The following SLC25A45 variants were observed in gnomAD, a reference collection of about 807,000 sequenced individuals.
SLC25A45 encodes methylated amino-acid transporter SLC25A45.
In SLC25A45, 22 loss-of-function variants were observed where a neutral mutation model predicts 23.0. The observed-to-expected ratio is 0.95, with a 90% CI of 0.68 to 1.36. The LOEUF (loss-of-function observed/expected upper bound fraction) is 1.36, where lower values mean the gene tolerates loss of function less well. Ranked by LOEUF, SLC25A45 falls within the 40% of genes most tolerant of loss-of-function variation. The pLI is 0.00. For missense variants in SLC25A45, 355 were observed against 383.5 expected (o/e 0.93, Z 0.62); for synonymous variants, 136 against 155.0 (o/e 0.88, Z 0.91).
chr11:65,380,304 A>T, intron 2 of SLC25A45, 129 bp from the exon 3 acceptor site: 2 of 1,362,414 alleles, frequency 1.5e-6, no homozygotes, highest in Non-Finnish European at 2.1e-6. Flanking sequence ...ACATGCAGCC[A>T]CCTTCCTGCC....
chr11:65,380,147 C>T lies in SLC25A45; in HGVS notation c.66G>A (p.Pro22=), dbSNP rs540455891. ...SGALGLVLGH[P]FDTVKVRLQT... ...CTAAACTCACCTTTACAGTGTCAAA[C>T]GGGTGTCCCAGGACCAAGCCCAGAG... Residue 22 remains proline, a synonymous_variant, in exon 3 of 7, where the codon CCG becomes CCA. Coordinates refer to ENST00000398802, the MANE Select transcript of SLC25A45 (RefSeq NM_182556.4). The T allele has an allele frequency of 6.9e-5, 111 of 1,614,166 alleles. No individual in the cohort carries two copies. The South Asian group carries it at 7.7e-4, about 11-fold the overall frequency.
chr11:65,380,616 C>A, intron 2 of SLC25A45: 2 of 1,292,454 alleles, frequency 1.5e-6, no homozygotes, highest in Non-Finnish European at 2.0e-6. Flanking sequence ...CAGCTGGCCA[C>A]GCAGAACTGC....
chr11:65,376,932 C>G lies in SLC25A45; in HGVS notation c.484G>C (p.Gly162Arg). The G allele has an allele frequency of 6.2e-7, 1 of 1,613,470 alleles. No individual in the cohort carries two copies. Among genetic ancestry groups the G allele is most frequent in the Non-Finnish European group, 8.5e-7 (1 of 1,179,664 alleles). ...AGGGCCCAGGCTCCTCGGAACAGCC[C>G]CCGGGGCCCCTCCTCCCGGAAGATG... ...ASIFREEGPR[G>R]LFRGAWALTL... The change falls in exon 6 of 7, where the codon GGG becomes CGG. Residue 162 changes from glycine to arginine, a missense_variant. Gly to Arg is a moderately radical substitution (Grantham distance 125). Coordinates refer to ENST00000398802, the MANE Select transcript of SLC25A45 (RefSeq NM_182556.4).
chr11:65,380,668 C>G, intron 2 of SLC25A45: 1 of 1,188,534 alleles, frequency 8.4e-7, no homozygotes, highest in Non-Finnish European at 1.1e-6. Context: ...TGCAGAGGAG[C>G]TTCTCCCCTC....
chr11:65,379,851 G>A lies in SLC25A45; in HGVS notation c.153+16C>T. On this transcript the variant is annotated intron_variant, in intron 4 of 6. Coordinates refer to ENST00000398802, the MANE Select transcript of SLC25A45 (RefSeq NM_182556.4). ...TCCCCGAAAGGGGAAGGACCCCAAA[G>A]GAGTGGGCCACTCACGGACTCATGG... The A allele has an allele frequency of 6.2e-7, 1 of 1,614,096 alleles. No homozygotes were observed. Among genetic ancestry groups the A allele is most frequent in the South Asian group, 1.1e-5 (1 of 91,084 alleles).
chr11:65,375,978 C>T lies in SLC25A45; in HGVS notation c.*429G>A, dbSNP rs145568218. ...TTGGGAGGCTGAGGCAGGAGAGTTG[C>T]TTGAACCCGGAAGGTGGAAAGGCGG... is the stretch of plus-strand genomic sequence containing the variant. On this transcript the variant is annotated 3_prime_UTR_variant, in exon 7 of 7. Coordinates refer to ENST00000398802, the MANE Select transcript of SLC25A45 (RefSeq NM_182556.4). The T allele has an allele frequency of 6.8e-3, 1,167 of 171,960 alleles. 6 individuals are homozygous for T. Among genetic ancestry groups the T allele is most frequent in the African/African-American group, 0.026 (1,065 of 40,758 alleles). The allele number at this position is 171,960 out of a possible 1,614,324, so 10.7% of individuals were successfully genotyped here.
upstream of SLC25A45, chr11:65,382,848 G>C (rs1855643043): frequency 6.6e-6 from 1 of 152,258 alleles, no homozygotes; most frequent in African/African-American, 2.4e-5. The surrounding 1 kb of genome is among the most constrained non-coding windows in gnomAD (Gnocchi z 4.4). Flanking sequence ...CACCCCTCCA[G>C]CTGGGGCTCA....
At chr11:65,382,889 C>T (rs185453848), upstream of SLC25A45, 1 of 152,472 alleles carries the variant, frequency 6.6e-6, no homozygotes, top group Admixed American at 6.5e-5. The surrounding 1 kb of genome is among the most constrained non-coding windows in gnomAD (Gnocchi z 4.4). Context: ...GTCTGCCCCG[C>T]CTCCCCAGCC....
In SLC25A45 at chr11:65,375,746, A is replaced by C. The variant is rs569473835; in HGVS notation, c.*661T>G. On this transcript the variant is annotated 3_prime_UTR_variant, in exon 7 of 7. Coordinates refer to ENST00000398802, the MANE Select transcript of SLC25A45 (RefSeq NM_182556.4). ...GGTGGGAGGCCGCAGGGACTCTCAG[A>C]AGTGGAGTCTCAGAGCTCCTTAAGA... The C allele has an allele frequency of 6.6e-6, 1 of 152,416 alleles. No homozygotes were observed. The highest frequency in any genetic ancestry group is 2.4e-5 in the African/African-American group (1 of 41,486). The allele number at this position is 152,416 out of a possible 1,614,324, so 9.4% of individuals were successfully genotyped here.
At chr11:65,380,909 A>G in intron 2 of SLC25A45, 2 of 240,664 alleles carry the variant, frequency 8.3e-6, no homozygotes, top group South Asian at 8.2e-5. Flanking sequence ...ACAGCAGGTG[A>G]GGTCAAAGGT....
intron 4 of SLC25A45, 135 bp from the exon 5 acceptor site, chr11:65,379,696 G>T: frequency 8.0e-7 from 1 of 1,246,606 alleles, no homozygotes; most frequent in Non-Finnish European, 1.1e-6. Context: ...AGGCAGGGAT[G>T]GGCTGAGGCT....
chr11:65,379,457 G>T lies in SLC25A45; in HGVS notation c.258C>A (p.Ala86=), dbSNP rs780347626. 1 of 1,614,074 alleles carries T rather than the reference G, an allele frequency of 6.2e-7. No homozygotes were observed. Among genetic ancestry groups the T allele is most frequent in the South Asian group, 1.1e-5 (1 of 91,090 alleles). ...VYSNTLLVLT[A]TSHQERRAQP... ...GGGCCCGCCGCTCCTGGTGGGAGGTGGCCGTGAGCACCAGCAGGGTGTTGC... is the reference window on the plus strand; with the variant it reads ...GGGCCCGCCGCTCCTGGTGGGAGGTTGCCGTGAGCACCAGCAGGGTGTTGC... Residue 86 remains alanine (A), a synonymous_variant, in exon 5 of 7, where the codon GCC becomes GCA. Transcript: ENST00000398802.
At chr11:65,380,764 G>A (rs1437470248) in intron 2 of SLC25A45, 1 of 369,454 alleles carries the variant, frequency 2.7e-6, no homozygotes, top group Non-Finnish European at 5.1e-6. Context: ...CCAGGAGGCA[G>A]GTTCAGAACG....
At position 65,379,387 on chromosome 11, in the gene SLC25A45, C is replaced by T. The variant is rs779363547; in HGVS notation, c.328G>A (p.Gly110Arg). 15 of 1,610,000 alleles carry T rather than the reference C, an allele frequency of 9.3e-6. No homozygotes were observed. Among genetic ancestry groups the T allele is most frequent in the Non-Finnish European group, 1.2e-5 (14 of 1,179,890 alleles). The stretch of plus-strand genomic sequence containing the variant: ...CACTGCCCCCTCACCTGCAGGAACC[C>T]CCCGGTGCAGCCCGCTAGGAAGATG... ...MHIFLAGCTGGFLQAYCLAPF... is the reference protein window; with the variant it reads ...MHIFLAGCTGRFLQAYCLAPF... The change falls in exon 5 of 7, where the codon GGG (glycine) becomes AGG (arginine). Residue 110 changes from glycine to arginine, a missense_variant. Physicochemically the swap from Gly to Arg is moderately radical, Grantham distance 125. Transcript: ENST00000398802.
In SLC25A45 at chr11:65,376,677, T is replaced by TG; in HGVS notation, c.599-3dup. 6.2e-7 allele frequency: 1 copy of TG among 1,613,802 alleles called. No individual in the cohort carries two copies. Among genetic ancestry groups the TG allele is most frequent in the Non-Finnish European group, 8.5e-7 (1 of 1,179,808 alleles). On this transcript the variant is annotated splice_region_variant and splice_polypyrimidine_tract_variant and intron_variant, in intron 6 of 6. Coordinates refer to ENST00000398802, the MANE Select transcript of SLC25A45 (RefSeq NM_182556.4). The stretch of plus-strand genomic sequence containing the variant: ...CTGCCACCAGCACCGTGGCTGAGCC[T>TG]GGGGCAGAGAGAGCCCAGAGCAGGG...
chr11:65,378,011 G>C (rs1050503109), intron 5 of SLC25A45: 1 of 152,488 alleles, frequency 6.6e-6, no homozygotes. Flanking sequence ...GGTGTGGCAG[G>C]CCAAGTCTTC....
At chr11:65,379,698 G>A (rs1244827290) in intron 4 of SLC25A45, 137 bp from the exon 5 acceptor site, 15 of 1,245,794 alleles carry the variant, frequency 1.2e-5, no homozygotes, top group Middle Eastern at 2.2e-4. Flanking sequence ...GCAGGGATGG[G>A]CTGAGGCTGC....
At chr11:65,377,268 AC>A in intron 5 of SLC25A45, 192 bp from the exon 6 acceptor site, 1 of 1,414,150 alleles carries the variant, frequency 7.1e-7, no homozygotes, top group Non-Finnish European at 9.2e-7. Flanking sequence ...GGGACAGGCC[AC>A]CTCCCTTGGC....
At chr11:65,379,059 T>G (rs1855380972) in intron 5 of SLC25A45, 1 of 348,678 alleles carries the variant, frequency 2.9e-6, no homozygotes, top group Non-Finnish European at 5.3e-6. Context: ...CCTTGGGGAG[T>G]GGGCTCCCCA....
Sources: gnomAD v4.1 joint callset for allele counts on GRCh38, gnomAD v4.1.1 for gene constraint, Gnocchi (gnomAD v3.1) non-coding constraint, MANE v1.5 for transcripts, NCBI Gene and HGNC (gene_info 2026-07-23, HGNC 2026-07-21) for gene names.